DMD: variants seen among roughly 807,000 people sequenced by gnomAD.
DMD encodes the protein mutant dystrophin.
In DMD, 63 loss-of-function variants were observed where a neutral mutation model predicts 330.1. That is an observed-to-expected ratio of 0.19 (90% CI 0.16 to 0.24). The LOEUF is 0.24. DMD is among the 10% of genes least tolerant of loss of function. The pLI, the probability that DMD is intolerant of heterozygous loss-of-function variation, is 1.00. For missense variants in DMD, 3,344 were observed against 2,684.1 expected (o/e 1.25, Z -5.43); for synonymous variants, 1,223 against 959.8 (o/e 1.27, Z -5.07).
At chrX:32,626,371 G>A (rs1288002443) in intron 11 of DMD, among the ~76,000 whole-genome samples, 4 of 105,404 alleles carry the variant, frequency 3.8e-5, no homozygotes, top group Non-Finnish European at 7.5e-5. Context: ...AGGAGGCTGA[G>A]GCAGGAGAAT....
intron 53 of DMD, among the ~76,000 whole-genome samples, chrX:31,662,939 A>C (rs773746333): frequency 2.7e-5 from 3 of 111,160 alleles, no homozygotes; most frequent in Non-Finnish European, 5.7e-5. Context: ...TTCATGGAAA[A>C]ATTTAACTCT....
intron 7 of DMD, among the ~76,000 whole-genome samples, chrX:32,770,979 A>G (rs1351059522): frequency 9.0e-6 from 1 of 111,600 alleles, no homozygotes; most frequent in Non-Finnish European, 1.9e-5. Context: ...TAAGCAGTTG[A>G]ATCCTGTGAT....
intron 7 of DMD, among the ~76,000 whole-genome samples, chrX:32,808,211 G>T (rs1000515137): frequency 2.7e-5 from 3 of 111,628 alleles, no homozygotes; most frequent in African/African-American, 9.8e-5. Context: ...AATAAAAAGG[G>T]GTTACAGTAT....
intron 18 of DMD, among the ~76,000 whole-genome samples, chrX:32,508,822 TC>T (rs1285288223): frequency 4.5e-5 from 5 of 111,084 alleles, no homozygotes; most frequent in Non-Finnish European, 9.4e-5. Context: ...TTTTTTTTTT[TC>T]TTTTTGAGAC....
At chrX:32,911,188 T>G (rs2087209600) in intron 2 of DMD, among the ~76,000 whole-genome samples, 1 of 112,230 alleles carries the variant, frequency 8.9e-6, no homozygotes, top group African/African-American at 3.2e-5. Context: ...TGCAAAATGA[T>G]TGAACAATAC....
At chrX:33,275,316 T>A (rs773963067) in intron 1 of DMD, among the ~76,000 whole-genome samples, 1 of 109,747 alleles carries the variant, frequency 9.1e-6, no homozygotes, top group South Asian at 3.7e-4. Context: ...GCTATAAATC[T>A]CAGCTCTACC....
chrX:33,078,517 A>T (rs2094878193), intron 1 of DMD, among the ~76,000 whole-genome samples: 1 of 112,325 alleles, frequency 8.9e-6, no homozygotes, highest in Non-Finnish European at 1.9e-5. Flanking sequence ...TAAAAGTGGC[A>T]AATAGCTCTA....
intron 12 of DMD, among the ~76,000 whole-genome samples, chrX:32,597,713 G>A (rs1279974855): frequency 1.8e-5 from 2 of 111,626 alleles, no homozygotes; most frequent in South Asian, 7.5e-4. Context: ...TTGTAATGAT[G>A]AACAGGGGTA....
At chrX:31,929,046 A>G (rs780608301) in intron 47 of DMD, among the ~76,000 whole-genome samples, 1 of 112,272 alleles carries the variant, frequency 8.9e-6, no homozygotes, top group East Asian at 2.8e-4. Context: ...CTTGCTTTAT[A>G]TAAAATAAAT....
chrX:32,386,155 C>T (rs1474830472), intron 33 of DMD, among the ~76,000 whole-genome samples, 155 bp downstream of exon 33: 8 of 109,573 alleles, frequency 7.3e-5, no homozygotes, highest in African/African-American at 9.9e-5. Flanking sequence ...TATATATATA[C>T]GTATATGTGT....
chrX:32,758,076 A>C (rs187453759), intron 7 of DMD, among the ~76,000 whole-genome samples: 36 of 112,141 alleles, frequency 3.2e-4, no homozygotes, highest in Middle Eastern at 9.3e-3. Flanking sequence ...TATGGTCATC[A>C]GTTCAACAAT....
intron 2 of DMD, among the ~76,000 whole-genome samples, chrX:32,973,113 T>G (rs1569546638): frequency 8.9e-6 from 1 of 112,138 alleles, no homozygotes; most frequent in African/African-American, 3.2e-5. Context: ...TGAGCCATAT[T>G]TCTGTCAAAT....
At chrX:33,024,294 C>A (rs1319507449) in intron 1 of DMD, among the ~76,000 whole-genome samples, 2 of 112,099 alleles carry the variant, frequency 1.8e-5, no homozygotes, top group African/African-American at 6.5e-5. Flanking sequence ...TATTCTATTT[C>A]ATTTCCTTTA....
At chrX:32,295,641 T>C (rs1361820555) in intron 42 of DMD, among the ~76,000 whole-genome samples, 1 of 112,231 alleles carries the variant, frequency 8.9e-6, no homozygotes, top group Non-Finnish European at 1.9e-5. Context: ...GGAGTATGTG[T>C]CTTTAACAGG....
chrX:31,731,041 T>C lies in DMD; in HGVS notation c.7543-1293A>G, dbSNP rs749220196. On this transcript the variant is annotated intron_variant, in intron 51 of 78. Coordinates refer to ENST00000357033, the MANE Select transcript of DMD (RefSeq NM_004006.3). ...GACAGGCTTTGTGATTTAAACTCAATTGCTTTTGGTAATAGTAAAATAATG... is the reference window on the plus strand; with the variant it reads ...GACAGGCTTTGTGATTTAAACTCAACTGCTTTTGGTAATAGTAAAATAATG... Among the ~76,000 whole-genome samples, 134 of 112,072 alleles carry C rather than the reference T, an allele frequency of 1.2e-3. 2 individuals carry two copies. Among genetic ancestry groups the C allele is most frequent in the African/African-American group, 4.1e-3 (128 of 30,984 alleles).
chrX:31,171,377 C>T (rs1190262441), intron 73 of DMD, among the ~76,000 whole-genome samples: 1 of 111,762 alleles, frequency 8.9e-6, no homozygotes, highest in African/African-American at 3.2e-5. Context: ...TATGAAGGTT[C>T]TTTTCTCATC....
chrX:32,721,283 G>A (rs1004625647), intron 7 of DMD, among the ~76,000 whole-genome samples: 2 of 110,589 alleles, frequency 1.8e-5, no homozygotes, highest in Non-Finnish European at 3.8e-5. Flanking sequence ...AACACTCCCA[G>A]ACAATTTTCC....
At chrX:31,287,997 C>G (rs1280782406) in intron 62 of DMD, among the ~76,000 whole-genome samples, 1 of 111,280 alleles carries the variant, frequency 9.0e-6, no homozygotes, top group African/African-American at 3.3e-5. Context: ...AAAATGATAA[C>G]CAGTGTCAAG....
intron 44 of DMD, among the ~76,000 whole-genome samples, chrX:32,185,241 A>G (rs1243732223): frequency 1.8e-5 from 2 of 111,431 alleles, no homozygotes; most frequent in Admixed American, 1.9e-4. Context: ...GTCAGGAGCA[A>G]GAGGCAGTCC....
Sources: allele counts gnomAD v4.1 joint callset (sites outside exome capture counted in the v4.1 genomes callset), GRCh38; gene constraint gnomAD v4.1.1; transcripts MANE v1.5; gene names NCBI Gene and HGNC (gene_info 2026-07-23, HGNC 2026-07-21).